Variants in OR1J2 observed in about 807,000 individuals in gnomAD.
OR1J2 encodes the protein olfactory receptor 1J2.
For synonymous variants in OR1J2, 142 were observed against 99.7 expected, an observed-to-expected ratio of 1.42 and a Z score of -2.52; for missense variants, 304 against 246.1, an observed-to-expected ratio of 1.24 and a Z score of -1.57.
the OR1J2 span, among the ~76,000 whole-genome samples, chr9:122,490,671 G>A: frequency 6.6e-6 from 1 of 152,134 alleles, no homozygotes; most frequent in South Asian, 2.1e-4. Context: ...GGCAAATTTA[G>A]GAAACAATTG....
the OR1J2 span, among the ~76,000 whole-genome samples, chr9:122,450,735 T>C: frequency 1.3e-5 from 2 of 152,108 alleles, no homozygotes; most frequent in African/African-American, 4.8e-5. Flanking sequence ...TAAGCAGTGT[T>C]TTGCTTTTCC....
At chr9:122,476,894 G>A in the OR1J2 span, 18 of 707,722 alleles carry the variant, frequency 2.5e-5, no homozygotes, top group South Asian at 3.1e-4. Flanking sequence ...TTTTAGTAGA[G>A]ACTGGGTTTC....
chr9:122,566,385 C>T, the OR1J2 span, among the ~76,000 whole-genome samples: 1 of 152,158 alleles, frequency 6.6e-6, no homozygotes. Context: ...CTCCATGTTT[C>T]CCCCTGCCCT....
chr9:122,523,209 A>T, the OR1J2 span, among the ~76,000 whole-genome samples: 1 of 152,208 alleles, frequency 6.6e-6, no homozygotes, highest in African/African-American at 2.4e-5. Flanking sequence ...GGGCCAGGGC[A>T]CTGAATTTGC....
the OR1J2 span, among the ~76,000 whole-genome samples, chr9:122,503,721 C>T: frequency 6.6e-6 from 1 of 152,192 alleles, no homozygotes; most frequent in Non-Finnish European, 1.5e-5. Context: ...TTACTCCCTC[C>T]AGGCCCCTGA....
chr9:122,572,379 G>T, the OR1J2 span, among the ~76,000 whole-genome samples: 1 of 152,156 alleles, frequency 6.6e-6, no homozygotes, highest in Non-Finnish European at 1.5e-5. Flanking sequence ...TGGGAATACA[G>T]AATTTAAAAA....
chr9:122,451,427 C>A, the OR1J2 span, among the ~76,000 whole-genome samples: 7 of 152,060 alleles, frequency 4.6e-5, no homozygotes, highest in African/African-American at 1.4e-4. Context: ...TCAGGTGATC[C>A]TCCAGCCTTG....
the OR1J2 span, among the ~76,000 whole-genome samples, chr9:122,576,378 C>G: frequency 6.7e-6 from 1 of 150,316 alleles, no homozygotes; most frequent in Admixed American, 6.6e-5. Flanking sequence ...TGAGCCACCA[C>G]GCCCAGCTAA....
chr9:122,526,459 C>T, the OR1J2 span: 2 of 1,548,868 alleles, frequency 1.3e-6, no homozygotes, highest in African/African-American at 2.7e-5. Context: ...ATGGGAGTCA[C>T]TATGGTGTAC....
At chr9:122,508,777 C>T (rs1359486758), upstream of OR1J2, among the ~76,000 whole-genome samples, 1 of 152,166 alleles carries the variant, frequency 6.6e-6, no homozygotes, top group Non-Finnish European at 1.5e-5. Context: ...ACTGCTTTAA[C>T]AAATTACCAC....
the OR1J2 span, among the ~76,000 whole-genome samples, chr9:122,550,796 C>T: frequency 6.6e-6 from 1 of 151,822 alleles, no homozygotes; most frequent in African/African-American, 2.4e-5. Flanking sequence ...CAGCATAATA[C>T]TGAATGGGGG....
At chr9:122,542,862 A>T in the OR1J2 span, among the ~76,000 whole-genome samples, 1 of 152,194 alleles carries the variant, frequency 6.6e-6, no homozygotes, top group Non-Finnish European at 1.5e-5. Flanking sequence ...AATTAATAGA[A>T]TCTTACAGTA....
chr9:122,547,262 T>G, the OR1J2 span, among the ~76,000 whole-genome samples: 2 of 152,068 alleles, frequency 1.3e-5, no homozygotes, highest in South Asian at 4.1e-4. Context: ...GGCAAATATA[T>G]TAACAGGACA....
At chr9:122,546,886 A>G in the OR1J2 span, among the ~76,000 whole-genome samples, 1 of 152,174 alleles carries the variant, frequency 6.6e-6, no homozygotes, top group African/African-American at 2.4e-5. Flanking sequence ...TGATACATAT[A>G]TAGTGATCAG....
At chr9:122,492,149 C>T in the OR1J2 span, among the ~76,000 whole-genome samples, 1 of 151,964 alleles carries the variant, frequency 6.6e-6, no homozygotes, top group Non-Finnish European at 1.5e-5. Context: ...CTGTTGCCTC[C>T]TCCCTCCCTC....
At chr9:122,566,483 T>C in the OR1J2 span, among the ~76,000 whole-genome samples, 1 of 152,346 alleles carries the variant, frequency 6.6e-6, no homozygotes, top group South Asian at 2.1e-4. Context: ...TTACATTTGT[T>C]CCATATCTTA....
the OR1J2 span, chr9:122,568,302 G>A: frequency 6.2e-7 from 1 of 1,614,120 alleles, no homozygotes; most frequent in Non-Finnish European, 8.5e-7. Flanking sequence ...GAAATACATA[G>A]GGGTCTGAAG....
At chr9:122,569,325 T>G in the OR1J2 span, among the ~76,000 whole-genome samples, 1 of 152,160 alleles carries the variant, frequency 6.6e-6, no homozygotes, top group Non-Finnish European at 1.5e-5. Context: ...ATTTATCTTT[T>G]ACGTGTTAAA....
the OR1J2 span, among the ~76,000 whole-genome samples, chr9:122,521,465 G>C: frequency 6.6e-6 from 1 of 152,180 alleles, no homozygotes; most frequent in Non-Finnish European, 1.5e-5. Context: ...CTCTTCACTT[G>C]TTTGATATTG....
Sources: allele counts gnomAD v4.1 joint callset (sites outside exome capture counted in the v4.1 genomes callset), GRCh38; gene constraint gnomAD v4.1.1; transcripts MANE v1.5; gene names NCBI Gene and HGNC (gene_info 2026-07-23, HGNC 2026-07-21).